NTN1: variants seen among roughly 807,000 people sequenced by gnomAD.
NTN1 encodes the protein netrin-1.
NTN1 carries 11 observed loss-of-function variants against 54.2 expected under a neutral mutation model. That is an observed-to-expected ratio of 0.20 (90% CI 0.13 to 0.34). The LOEUF (loss-of-function observed/expected upper bound fraction) is 0.34, where lower values mean the gene tolerates loss of function less well. Among genes scored for constraint, NTN1 ranks in the 10% least tolerant of loss-of-function variants. NTN1 has a pLI of 1.00. For missense variants in NTN1, 740 were observed against 893.1 expected (o/e 0.83, Z 2.18); for synonymous variants, 371 against 382.0 (o/e 0.97, Z 0.33).
At chr17:9,160,789 C>CAA (rs200150877) in intron 2 of NTN1, among the ~76,000 whole-genome samples, 1 of 150,248 alleles carries the variant, frequency 6.7e-6, no homozygotes, top group Non-Finnish European at 1.5e-5. Flanking sequence ...CCTGTTTCTA[C>CAA]AAAAAAAAAT....
At chr17:9,181,467 A>T (rs3826474) in intron 4 of NTN1, among the ~76,000 whole-genome samples, 54,363 of 151,860 alleles carry the variant, frequency 0.36, 10,104 homozygotes, top group Middle Eastern at 0.49. Context: ...TGCCTCCAGG[A>T]TGTTCCTGCT....
chr17:9,118,718 A>C (rs1327088644), intron 2 of NTN1, among the ~76,000 whole-genome samples: 2 of 152,008 alleles, frequency 1.3e-5, no homozygotes, highest in Non-Finnish European at 2.9e-5. Context: ...TATTTTAGGC[A>C]TTTCATAGAA....
intron 2 of NTN1, among the ~76,000 whole-genome samples, chr17:9,123,847 G>GACAT (rs774857809): frequency 3.3e-4 from 50 of 152,272 alleles, no homozygotes; most frequent in Middle Eastern, 3.4e-3. Context: ...GATGTCTGGA[G>GACAT]GCTTTGTAAG....
At chr17:9,140,640 G>A (rs1249682876) in intron 2 of NTN1, among the ~76,000 whole-genome samples, 1 of 152,156 alleles carries the variant, frequency 6.6e-6, no homozygotes, top group Admixed American at 6.5e-5. Context: ...ACAGGAGTTG[G>A]CCACGCAAAA....
chr17:9,120,760 G>T (rs889330797), intron 2 of NTN1, among the ~76,000 whole-genome samples: 1 of 152,226 alleles, frequency 6.6e-6, no homozygotes, highest in African/African-American at 2.4e-5. Flanking sequence ...GCGTCATAGC[G>T]ACATGGTCTG....
the NTN1 span, among the ~76,000 whole-genome samples, chr17:9,012,540 A>AC: frequency 0.29 from 43,064 of 150,314 alleles, 6,302 homozygotes; most frequent in South Asian, 0.38. Context: ...ACAAAACAAA[A>AC]AAAAAAAAAC....
chr17:9,067,167 T>C (rs1425110605), intron 2 of NTN1, among the ~76,000 whole-genome samples: 4 of 151,416 alleles, frequency 2.6e-5, no homozygotes, highest in African/African-American at 9.7e-5. Context: ...CCTGGGAGGC[T>C]GAGGCATGAG....
chr17:9,144,222 C>G (rs1004419691), intron 2 of NTN1, among the ~76,000 whole-genome samples: 2 of 151,738 alleles, frequency 1.3e-5, no homozygotes, highest in African/African-American at 4.8e-5. Context: ...TCGATCTCCC[C>G]ATAATGAACT....
At chr17:9,144,878 C>G (rs755751442) in intron 2 of NTN1, among the ~76,000 whole-genome samples, 22 of 152,366 alleles carry the variant, frequency 1.4e-4, no homozygotes, top group Non-Finnish European at 2.9e-4. Context: ...ACCAGTGTCC[C>G]TGCCTCCTCG....
In NTN1 at chr17:9,212,939, G is replaced by A. The variant is rs779112604; in HGVS notation, c.1412-8229G>A. Among the ~76,000 whole-genome samples, 21 of 152,204 alleles carry A rather than the reference G, an allele frequency of 1.4e-4. No individual in the cohort carries two copies. The highest frequency in any genetic ancestry group is 2.4e-4 in the Non-Finnish European group (16 of 68,044). ...TGCCATATGCTCAGAGATGAGCCTC[G>A]ATCCGGCGAGCAGGCCGGCTCAGCA... On this transcript the variant is annotated intron_variant, in intron 5 of 6. Coordinates refer to ENST00000173229, the MANE Select transcript of NTN1 (RefSeq NM_004822.3). This position sits in a 1 kb window ranked among gnomAD's most constrained non-coding sequence, Gnocchi z 5.5.
At chr17:9,201,622 C>T (rs1904787384) in intron 5 of NTN1, among the ~76,000 whole-genome samples, 1 of 152,160 alleles carries the variant, frequency 6.6e-6, no homozygotes, top group Admixed American at 6.5e-5. Context: ...GTCCTTTGTC[C>T]ACCAGAATTG....
rs55880198 is a variant in NTN1, at chr17:9,096,366, C to CCTTTTTTTTTTTTTTTT, written c.1019-66447_1019-66446insCTTTTTTTTTTTTTTTT. Among the ~76,000 whole-genome samples, 7 of 91,554 alleles carry CCTTTTTTTTTTTTTTTT rather than the reference C, an allele frequency of 7.6e-5. 3 individuals carry two copies. The highest frequency in any genetic ancestry group is 1.0e-4 in the Non-Finnish European group (5 of 49,118). 60.1% of individuals were successfully genotyped at this position (91,554 alleles called of 152,430 possible). A position where few individuals can be genotyped will look rare whatever the true frequency, so the allele number is the denominator to read the frequency against. On this transcript the variant is annotated intron_variant, in intron 2 of 6. Transcript: ENST00000173229. ...TGTCTTCCTGGGTTTTATGGGTAGA[C>CCTTTTTTTTTTTTTTTT]TTTTTTTTTTTTTTTTTTTTTTGAG...
chr17:9,049,078 A>G (rs1363982575), intron 2 of NTN1, among the ~76,000 whole-genome samples: 4 of 152,232 alleles, frequency 2.6e-5, no homozygotes, highest in Admixed American at 1.3e-4. Flanking sequence ...GTGTACACAG[A>G]GTTTTAAGAA....
At chr17:9,104,266 G>T (rs1470968201) in intron 2 of NTN1, among the ~76,000 whole-genome samples, 1 of 152,032 alleles carries the variant, frequency 6.6e-6, no homozygotes, top group African/African-American at 2.4e-5. Context: ...AGATGAAAAA[G>T]TTCTGGAGAT....
chr17:9,172,236 G>A (rs889447460), intron 3 of NTN1, among the ~76,000 whole-genome samples: 1 of 152,044 alleles, frequency 6.6e-6, no homozygotes, highest in Non-Finnish European at 1.5e-5. Flanking sequence ...GGTGGCTCAC[G>A]CCTGTAATCC....
At chr17:9,009,437 C>T in the NTN1 span, among the ~76,000 whole-genome samples, 35 of 152,212 alleles carry the variant, frequency 2.3e-4, no homozygotes, top group African/African-American at 8.2e-4. Flanking sequence ...CATGGTGATG[C>T]TCCTGCCTGA....
Position 9,046,210 on chromosome 17 carries a change from C to T in NTN1, c.1018+22819C>T, listed in dbSNP as rs114458890. ...CTTAGAACTCAACAACAAAAGACAA[C>T]CCAGTTTAGAAACGGGCAAAGAACT... On this transcript the variant is annotated intron_variant, in intron 2 of 6. Transcript: ENST00000173229. 3.1e-3 allele frequency among the ~76,000 whole-genome samples: 466 copies of T among 152,266 alleles called. 1 individual carries two copies. The highest frequency in any genetic ancestry group is 0.011 in the African/African-American group (451 of 41,562).
chr17:9,070,377 A>G (rs1010472339), intron 2 of NTN1, among the ~76,000 whole-genome samples: 5 of 152,136 alleles, frequency 3.3e-5, no homozygotes, highest in Non-Finnish European at 7.3e-5. Context: ...CTCCCGAGAA[A>G]GGAAATTGTT....
intron 2 of NTN1, among the ~76,000 whole-genome samples, chr17:9,071,087 C>T (rs2092030566): frequency 1.3e-5 from 2 of 152,368 alleles, no homozygotes; most frequent in Non-Finnish European, 1.5e-5. Flanking sequence ...ACCTCACTTC[C>T]TCCAACTTCT....
Sources: gnomAD v4.1 joint callset for allele counts (sites outside exome capture counted in the v4.1 genomes callset) on GRCh38, gnomAD v4.1.1 for gene constraint, Gnocchi (gnomAD v3.1) non-coding constraint, MANE v1.5 for transcripts, NCBI Gene and HGNC (gene_info 2026-07-23, HGNC 2026-07-21) for gene names.